The following ARHGAP28 variants were observed in gnomAD, a reference collection of about 807,000 sequenced individuals.
ARHGAP28 encodes Rho GTPase activating protein 28, also known as rho GTPase-activating protein 28.
In ARHGAP28, 56 loss-of-function variants were observed where a neutral mutation model predicts 90.7. The ratio of observed to expected loss-of-function variants is 0.62; its 90% confidence interval spans 0.50 to 0.77. ARHGAP28 has a LOEUF of 0.77. Among genes scored for constraint, ARHGAP28 ranks in the 30% least tolerant of loss-of-function variants. ARHGAP28 has a pLI of 0.00. For missense variants in ARHGAP28, 869 were observed against 900.9 expected, an observed-to-expected ratio of 0.96 and a Z score of 0.45; for synonymous variants, 308 against 323.3, an observed-to-expected ratio of 0.95 and a Z score of 0.51.
chr18:6,809,589 G>C (rs1567954924), intron 1 of ARHGAP28, among the ~76,000 whole-genome samples: 1 of 152,096 alleles, frequency 6.6e-6, no homozygotes, highest in Non-Finnish European at 1.5e-5. Context: ...GCAGGAGAGA[G>C]AGAAAGAGAA....
intron 3 of ARHGAP28, 21 bp downstream of exon 3, chr18:6,837,435 G>A (rs757921993): frequency 6.4e-7 from 1 of 1,565,144 alleles, no homozygotes; most frequent in Admixed American, 1.7e-5. Flanking sequence ...GCTCAAACAT[G>A]GCTCAAAAGG....
chr18:6,765,244 G>A (rs1477924050), intron 1 of ARHGAP28, among the ~76,000 whole-genome samples: 2 of 152,146 alleles, frequency 1.3e-5, no homozygotes, highest in Non-Finnish European at 2.9e-5. Flanking sequence ...ATGTTTGATA[G>A]CATATTAGTG....
At chr18:6,854,085 A>G (rs1207948178) in intron 4 of ARHGAP28, among the ~76,000 whole-genome samples, 1 of 151,620 alleles carries the variant, frequency 6.6e-6, no homozygotes, top group Admixed American at 6.6e-5. Flanking sequence ...TGAAAGTTGA[A>G]CCAGATTGGT....
intron 1 of ARHGAP28, among the ~76,000 whole-genome samples, chr18:6,755,012 G>C (rs965942928): frequency 8.6e-5 from 13 of 152,012 alleles, no homozygotes; most frequent in African/African-American, 2.9e-4. Context: ...GCTAGGTGTG[G>C]TGGTACACCT....
chr18:6,750,715 G>A (rs562734320), intron 1 of ARHGAP28, among the ~76,000 whole-genome samples: 1 of 151,782 alleles, frequency 6.6e-6, no homozygotes, highest in African/African-American at 2.4e-5. Context: ...TAAAGCCACA[G>A]TCCCATCGTG....
In ARHGAP28 at chr18:6,879,623, A is replaced by C. The variant is rs142431681; in HGVS notation, c.1291-2514A>C. 1.8e-3 allele frequency among the ~76,000 whole-genome samples: 278 copies of C among 152,366 alleles called. 2 individuals are homozygous for C. The highest frequency in any genetic ancestry group is 6.1e-3 in the African/African-American group (252 of 41,586). On this transcript the variant is annotated intron_variant, in intron 10 of 17. Transcript: ENST00000383472. ...GTGTTGCTTTATACTAGCCATCCAG[A>C]CAGTATGACGCGGTATTATTCCCTA...
chr18:6,777,268 TA>T (rs2143452700), intron 1 of ARHGAP28, among the ~76,000 whole-genome samples: 1 of 152,166 alleles, frequency 6.6e-6, no homozygotes, highest in East Asian at 1.9e-4. Flanking sequence ...GAGGGAGTAG[TA>T]AAAAATGACA....
chr18:6,882,191 A>C lies in ARHGAP28; in HGVS notation c.1345A>C (p.Lys449Gln). The change falls in exon 11 of 18, where the codon AAA becomes CAA. Residue 449 changes from lysine (K) to glutamine (Q), a missense_variant. By Grantham distance (53) the Lys-to-Gln change is moderately conservative. Coordinates refer to ENST00000383472, the MANE Select transcript of ARHGAP28 (RefSeq NM_001366230.1). ...TAATGCTGATAAATTTAAATGGGAC[A>C]AAATGTGCCATAGAGAAGCTGCAGT... ...KFNADKFKWD[K>Q]MCHREAAVML... 6.2e-7 allele frequency: 1 copy of C among 1,614,100 alleles called. No homozygotes were observed. The highest frequency in any genetic ancestry group is 8.5e-7 in the Non-Finnish European group (1 of 1,179,972).
At chr18:6,869,857 A>G (rs964649252) in intron 6 of ARHGAP28, among the ~76,000 whole-genome samples, 1 of 152,234 alleles carries the variant, frequency 6.6e-6, no homozygotes, top group Admixed American at 6.5e-5. Flanking sequence ...ACAAGCTGAA[A>G]TCTGAATCCG....
rs745378361 is a variant in ARHGAP28 at position 6,887,167 on chromosome 18, C to A, written c.1464C>A (p.His488Gln). Residue 488 changes from histidine to glutamine, a missense_variant, in exon 12 of 18, where the codon CAC becomes CAA. By Grantham distance (24) the His-to-Gln change is conservative (BLOSUM62 0). Transcript: ENST00000383472. ...CTGTTTTCTTGTTAGGAGGGCCTCA[C>A]GTCAAAGTACAGTTTCAAGCCTTAC... ...AFISLMERGP[H>Q]VKVQFQALHL... The A allele has an allele frequency of 6.2e-7, 1 of 1,613,980 alleles. No homozygotes were observed. The highest frequency in any genetic ancestry group is 1.1e-5 in the South Asian group (1 of 91,076).
At chr18:6,811,224 A>G (rs2056553898) in intron 1 of ARHGAP28, among the ~76,000 whole-genome samples, 1 of 152,210 alleles carries the variant, frequency 6.6e-6, no homozygotes, top group South Asian at 2.1e-4. Flanking sequence ...CACCCTTGCC[A>G]ACTTTCTACA....
chr18:6,870,850 G>A, intron 7 of ARHGAP28, 118 bp downstream of exon 7: 1 of 1,102,050 alleles, frequency 9.1e-7, no homozygotes. Flanking sequence ...CCCCAGGCTG[G>A]AGTGCAGTGG....
At chr18:6,773,262 A>T (rs1015587701) in intron 1 of ARHGAP28, among the ~76,000 whole-genome samples, 2 of 152,178 alleles carry the variant, frequency 1.3e-5, no homozygotes, top group Admixed American at 6.5e-5. Context: ...CCTGTGACCT[A>T]GGTGCCAATG....
intron 3 of ARHGAP28, among the ~76,000 whole-genome samples, chr18:6,850,080 C>T (rs142370932): frequency 3.4e-3 from 510 of 152,202 alleles, no homozygotes; most frequent in African/African-American, 0.012. Context: ...GTTTATCATG[C>T]GTAATTATAA....
intron 13 of ARHGAP28, 40 bp from the exon 14 acceptor site, chr18:6,890,390 A>ACAATCTGCTAG: frequency 7.5e-7 from 1 of 1,335,172 alleles, no homozygotes; most frequent in Non-Finnish European, 1.1e-6. Context: ...GTTTGAATTC[A>ACAATCTGCTAG]AGTGTTTTCC....
chr18:6,758,048 G>T (rs556591781), intron 1 of ARHGAP28, among the ~76,000 whole-genome samples: 29 of 152,160 alleles, frequency 1.9e-4, no homozygotes, highest in African/African-American at 6.5e-4. Flanking sequence ...TTTTTGTGCT[G>T]TATTAAATAG....
intron 10 of ARHGAP28, among the ~76,000 whole-genome samples, chr18:6,878,618 GTTA>G (rs1316585295): frequency 6.6e-6 from 1 of 152,220 alleles, no homozygotes; most frequent in Admixed American, 6.5e-5. Context: ...CCTTCAGAAA[GTTA>G]TTATAGGCAC....
Position 6,911,086 on chromosome 18 carries a change from G to A in ARHGAP28, c.2096-974G>A, listed in dbSNP as rs1022899104. ...CCTGACCTTGTGATCCGCCCACCTC[G>A]GCCTCCCAAAGTGCTGGGATTACAG... is the stretch of plus-strand genomic sequence containing the variant. On this transcript the variant is annotated intron_variant, in intron 17 of 17. Coordinates refer to ENST00000383472, the MANE Select transcript of ARHGAP28 (RefSeq NM_001366230.1). Among the ~76,000 whole-genome samples the A allele has an allele frequency of 3.3e-5, 5 of 152,002 alleles. 1 individual carries two copies. In the South Asian group the frequency reaches 6.2e-4, roughly 19 times the overall value.
intron 14 of ARHGAP28, 125 bp from the exon 15 acceptor site, chr18:6,894,710 A>G: frequency 1.4e-6 from 1 of 729,760 alleles, no homozygotes; most frequent in South Asian, 1.7e-5. Flanking sequence ...TAAAGTGCAT[A>G]TACATTTTAT....
Sources: gnomAD v4.1 joint callset for allele counts (sites outside exome capture counted in the v4.1 genomes callset) on GRCh38, gnomAD v4.1.1 for gene constraint, MANE v1.5 for transcripts, NCBI Gene and HGNC (gene_info 2026-07-23, HGNC 2026-07-21) for gene names.